Variants in FIGNL2 observed in about 807,000 individuals in gnomAD.
FIGNL2 encodes fidgetin like 2, also known as fidgetin-like protein 2.
For missense variants in FIGNL2, 1,060 were observed against 950.2 expected (o/e 1.12, Z -1.52); for synonymous variants, 565 against 484.0 (o/e 1.17, Z -2.20).
At chr12:51,847,677 G>A (rs1228747969) in intron 1 of FIGNL2, 15 of 985,316 alleles carry the variant, frequency 1.5e-5, no homozygotes, top group Non-Finnish European at 1.8e-5. Flanking sequence ...GGCGGGGGCA[G>A]GGGGACCAGC....
Position 51,848,539 on chromosome 12 carries a change from CCT to C in FIGNL2, c.-13_-12del. ...ATCCCGGCCCGCCCGCGGCCCCGTA[CCT>C]CGGCATCACGGCCGGGTCCTAGGTG... is the stretch of plus-strand genomic sequence containing the variant. On this transcript the variant is annotated splice_region_variant and 5_prime_UTR_variant, in exon 1 of 2. Transcript: ENST00000618634. 1 of 984,300 alleles carries C rather than the reference CCT, an allele frequency of 1.0e-6. No homozygotes were observed. Among genetic ancestry groups the C allele is most frequent in the Non-Finnish European group, 1.2e-6 (1 of 829,416 alleles). 61.0% of individuals were successfully genotyped at this position (984,300 alleles called of 1,614,324 possible).
At chr12:51,827,890 C>T (rs528943703) in intron 1 of FIGNL2, among the ~76,000 whole-genome samples, 1 of 152,330 alleles carries the variant, frequency 6.6e-6, no homozygotes, top group South Asian at 2.1e-4. Context: ...TCCCCATCGC[C>T]TCCCCAGATG....
In FIGNL2 at chr12:51,821,876, G is replaced by T. The variant is rs1305048667; in HGVS notation, c.538C>A (p.Pro180Thr). Residue 180 changes from proline (P) to threonine (T), a missense_variant, in exon 2 of 2, where the codon CCC becomes ACC. By Grantham distance (38) the Pro-to-Thr change is conservative. Transcript: ENST00000618634. ...AGGAGCGCGGCCGGGGGCGGCGGGG[G>T]CAGCGCGGCGCCCGTCTGCGCGCAG... ...GYCAQTGAAL[P>T]PPPPAALLQP... The T allele has an allele frequency of 7.6e-7, 1 of 1,321,346 alleles. No individual in the cohort carries two copies. The allele number at this position is 1,321,346 out of a possible 1,614,324, so 81.9% of individuals were successfully genotyped here.
At position 51,821,268 on chromosome 12, in the gene FIGNL2, C is replaced by T. The variant is rs1481589922; in HGVS notation, c.1146G>A (p.Met382Ile). Residue 382 changes from methionine to isoleucine, a missense_variant, in exon 2 of 2, where the codon ATG becomes ATA. Transcript: ENST00000618634. ...ACTGCACCGGGGGCCCGCAGTCCAC[C>T]ATCTTGCTCGTCACCAGCTCCAGGG... ...PGALELVTSK[M>I]VDCGPPVQWA... 2 of 1,524,942 alleles carry T rather than the reference C, an allele frequency of 1.3e-6. No homozygotes were observed. The highest frequency in any genetic ancestry group is 2.0e-5 in the Admixed American group (1 of 50,340). 94.5% of individuals were successfully genotyped at this position (1,524,942 alleles called of 1,614,324 possible).
In FIGNL2 at chr12:51,821,956, G is replaced by A; in HGVS notation, c.458C>T (p.Ser153Leu). The A allele has an allele frequency of 3.3e-6, 5 of 1,529,832 alleles. No homozygotes were observed. Among genetic ancestry groups the A allele is most frequent in the South Asian group, 1.2e-5 (1 of 82,512 alleles). The allele number at this position is 1,529,832 out of a possible 1,614,324, so 94.8% of individuals were successfully genotyped here. A position where few individuals can be genotyped will look rare whatever the true frequency, so the allele number is the denominator to read the frequency against. ...LYAGNACGGPSAAPEYAAGYG... is the reference protein window; with the variant it reads ...LYAGNACGGPLAAPEYAAGYG... ...GCCGGCCGCGTACTCGGGCGCCGCC[G>A]ATGGGCCCCCGCACGCATTGCCGGC... is the stretch of plus-strand genomic sequence containing the variant. The change falls in exon 2 of 2, where the codon TCG becomes TTG. Residue 153 changes from serine (S) to leucine (L), a missense_variant. Coordinates refer to ENST00000618634, the MANE Select transcript of FIGNL2 (RefSeq NM_001384995.1).
intron 1 of FIGNL2, among the ~76,000 whole-genome samples, chr12:51,844,094 C>G (rs1939705903): frequency 6.6e-6 from 1 of 152,094 alleles, no homozygotes; most frequent in African/African-American, 2.4e-5. Context: ...CTATTTGAAA[C>G]CAGGGCCACA....
At chr12:51,844,752 G>T in intron 1 of FIGNL2, 1 of 985,326 alleles carries the variant, frequency 1.0e-6, no homozygotes, top group African/African-American at 1.7e-5. Flanking sequence ...AAGCTGGACA[G>T]CCTCTCTCCA....
At chr12:51,823,088 TC>T (rs1939261411) in intron 1 of FIGNL2, among the ~76,000 whole-genome samples, 2 of 152,192 alleles carry the variant, frequency 1.3e-5, no homozygotes, top group African/African-American at 4.8e-5. Flanking sequence ...AGCATTCATT[TC>T]CTTCCCACTT....
At position 51,818,474 on chromosome 12, in the gene FIGNL2, A is replaced by G. The variant is rs1035384830; in HGVS notation, c.*1978T>C. On this transcript the variant is annotated 3_prime_UTR_variant, in exon 2 of 2. Transcript: ENST00000618634. Reference sequence around the variant, plus strand: ...GCCTGCGGCTGTGACCCGGCAGCCCACTGCTTCTGAGGCACCAAAGCCCTG... The same window carrying G: ...GCCTGCGGCTGTGACCCGGCAGCCCGCTGCTTCTGAGGCACCAAAGCCCTG... 1.3e-5 allele frequency: 2 copies of G among 150,982 alleles called. No homozygotes were observed. The highest frequency in any genetic ancestry group is 2.9e-5 in the Non-Finnish European group (2 of 67,890). The allele number at this position is 150,982 out of a possible 1,614,324, so 9.4% of individuals were successfully genotyped here.
Position 51,830,893 on chromosome 12 carries a change from C to A in FIGNL2, c.-11-8469G>T, listed in dbSNP as rs188130410. ...ACTTCCCAGGTTCAAGCGATCCCCCCACCTCAGCCTCCTTAGCAGTTGGGA... is the reference window on the plus strand; with the variant it reads ...ACTTCCCAGGTTCAAGCGATCCCCCAACCTCAGCCTCCTTAGCAGTTGGGA... On this transcript the variant is annotated intron_variant, in intron 1 of 1. Transcript: ENST00000618634. Among the ~76,000 whole-genome samples, 96 of 152,252 alleles carry A rather than the reference C, an allele frequency of 6.3e-4. 1 individual carries two copies. Among genetic ancestry groups the A allele is most frequent in the Non-Finnish European group, 4.4e-5 (3 of 68,010 alleles).
chr12:51,845,380 G>T (rs1939730705), intron 1 of FIGNL2: 1 of 794,658 alleles, frequency 1.3e-6, no homozygotes, highest in Non-Finnish European at 1.5e-6. Flanking sequence ...CAGACAGCCA[G>T]CTCCCAAAAG....
Position 51,821,564 on chromosome 12 carries a change from C to G in FIGNL2, c.850G>C (p.Glu284Gln), listed in dbSNP as rs974579233. ...PEGRYRKYAY[E>Q]PAKAPVADGA... is the part of the protein sequence containing the mutation. ...TCAGCCACGGGGGCCTTGGCGGGCT[C>G]GTACGCGTACTTGCGGTAGCGGCCC... is the stretch of plus-strand genomic sequence containing the variant. The change falls in exon 2 of 2, where the codon GAG (glutamate) becomes CAG (glutamine). Residue 284 changes from glutamate (E) to glutamine (Q), a missense_variant. Glu to Gln is a conservative substitution (Grantham distance 29). Coordinates refer to ENST00000618634, the MANE Select transcript of FIGNL2 (RefSeq NM_001384995.1). 3.9e-6 allele frequency: 6 copies of G among 1,541,384 alleles called. No individual in the cohort carries two copies. The highest frequency in any genetic ancestry group is 1.8e-5 in the Admixed American group (1 of 54,650).
chr12:51,834,756 C>A (rs1939553097), intron 1 of FIGNL2, among the ~76,000 whole-genome samples: 1 of 152,230 alleles, frequency 6.6e-6, no homozygotes, highest in Admixed American at 6.5e-5. Flanking sequence ...CAAGCTGTGA[C>A]CATCTGTTGT....
At chr12:51,844,546 A>T in intron 1 of FIGNL2, 2 of 322,126 alleles carry the variant, frequency 6.2e-6, no homozygotes, top group Non-Finnish European at 8.9e-6. Context: ...CCCAGCTCTG[A>T]CTCCTTTCAT....
intron 1 of FIGNL2, among the ~76,000 whole-genome samples, chr12:51,843,382 CA>C (rs61653181): frequency 0.16 from 22,803 of 145,066 alleles, 2,951 homozygotes; most frequent in African/African-American, 0.36. Context: ...ACTAAAAATA[CA>C]AAAAAAAAAA....
At chr12:51,847,938 G>T in intron 1 of FIGNL2, 1 of 775,250 alleles carries the variant, frequency 1.3e-6, no homozygotes, top group Non-Finnish European at 1.6e-6. Context: ...TCTGAGACGC[G>T]GGCTCTGTTC....
intron 1 of FIGNL2, among the ~76,000 whole-genome samples, chr12:51,833,184 A>G (rs1002769993): frequency 1.3e-5 from 2 of 151,912 alleles, no homozygotes; most frequent in Non-Finnish European, 2.9e-5. Context: ...AGTAGTTGGG[A>G]CCATAGGTGT....
At chr12:51,841,635 A>G (rs553045120) in intron 1 of FIGNL2, 1 of 152,042 alleles carries the variant, frequency 6.6e-6, no homozygotes, top group South Asian at 2.1e-4. Context: ...AGCTTAGCAT[A>G]TCTCAAACTT....
chr12:51,844,984 T>G, intron 1 of FIGNL2: 1 of 574,260 alleles, frequency 1.7e-6, no homozygotes, highest in Non-Finnish European at 2.2e-6. Flanking sequence ...CAGAGAGGGA[T>G]GGACTGGGGT....
Sources: gnomAD v4.1 joint callset for allele counts (sites outside exome capture counted in the v4.1 genomes callset) on GRCh38, gnomAD v4.1.1 for gene constraint, MANE v1.5 for transcripts, NCBI Gene and HGNC (gene_info 2026-07-23, HGNC 2026-07-21) for gene names.